Variants in FAM162A observed in about 807,000 individuals in gnomAD.
The protein encoded by FAM162A is protein FAM162A.
In FAM162A, 23 loss-of-function variants were observed where a neutral mutation model predicts 21.8. The observed-to-expected ratio is 1.05, with a 90% CI of 0.76 to 1.49. The LOEUF is 1.49. Among genes scored for constraint, FAM162A ranks in the 40% most tolerant of loss-of-function variants. FAM162A has a pLI of 0.00. For synonymous variants in FAM162A, 53 were observed against 61.3 expected, an observed-to-expected ratio of 0.86 and a Z score of 0.64; for missense variants, 165 against 186.4, an observed-to-expected ratio of 0.89 and a Z score of 0.67.
intron 1 of FAM162A, among the ~76,000 whole-genome samples, chr3:122,386,997 C>T (rs535936189): frequency 2.0e-5 from 3 of 152,168 alleles, no homozygotes; most frequent in Admixed American, 6.5e-5. Flanking sequence ...GCCATTTACC[C>T]ACACTACGCT....
chr3:122,384,640 C>T (rs2075565741), intron 1 of FAM162A, among the ~76,000 whole-genome samples: 1 of 152,038 alleles, frequency 6.6e-6, no homozygotes, highest in South Asian at 2.1e-4. Context: ...TTTACCCATG[C>T]ATTCAGCTTT....
intron 1 of FAM162A, among the ~76,000 whole-genome samples, chr3:122,390,250 G>T (rs979029319): frequency 6.6e-6 from 1 of 152,136 alleles, no homozygotes; most frequent in Non-Finnish European, 1.5e-5. Flanking sequence ...TCAGCAGAGG[G>T]ATTACTACTT....
intron 1 of FAM162A, among the ~76,000 whole-genome samples, chr3:122,392,780 A>T (rs555815993): frequency 1.8e-4 from 27 of 152,374 alleles, no homozygotes; most frequent in African/African-American, 6.5e-4. Flanking sequence ...AGAGTTTCAT[A>T]GACTTTTCCC....
intron 1 of FAM162A, 115 bp downstream of exon 1, chr3:122,384,414 C>T (rs922316956): frequency 3.1e-6 from 4 of 1,279,468 alleles, no homozygotes; most frequent in Admixed American, 4.0e-5. Context: ...CGCACTTTCT[C>T]GGTTCCTCAG....
chr3:122,408,377 A>G (rs1470776327), intron 4 of FAM162A, among the ~76,000 whole-genome samples: 1 of 152,234 alleles, frequency 6.6e-6, no homozygotes, highest in African/African-American at 2.4e-5. Flanking sequence ...TATATATCAC[A>G]GCTTCCATGT....
chr3:122,388,529 T>C (rs1418789334), intron 1 of FAM162A, among the ~76,000 whole-genome samples: 1 of 152,066 alleles, frequency 6.6e-6, no homozygotes, highest in Non-Finnish European at 1.5e-5. Flanking sequence ...TAGCACAGAA[T>C]AGAAGCAAGG....
At chr3:122,387,306 CTG>C (rs1390083125) in intron 1 of FAM162A, among the ~76,000 whole-genome samples, 3 of 152,346 alleles carry the variant, frequency 2.0e-5, no homozygotes, top group African/African-American at 7.2e-5. Flanking sequence ...CCCCTAAACT[CTG>C]TTGACTGGTC....
chr3:122,402,857 A>T lies in FAM162A; in HGVS notation c.132A>T (p.Pro44=). The change falls in exon 2 of 5, where the codon CCA becomes CCT. Residue 44 remains proline (P), a synonymous_variant. Coordinates refer to ENST00000477892, the MANE Select transcript of FAM162A (RefSeq NM_014367.4). ...LKRINGFCTK[P]QESPGAPSRT... ...GAATAAATGGATTTTGCACAAAACCACAGGAAAGTCCCGGAGCTCCATCCC... is the reference window on the plus strand; with the variant it reads ...GAATAAATGGATTTTGCACAAAACCTCAGGAAAGTCCCGGAGCTCCATCCC... 2 of 1,606,322 alleles carry T rather than the reference A, an allele frequency of 1.2e-6. No homozygotes were observed. The highest frequency in any genetic ancestry group is 1.1e-5 in the South Asian group (1 of 88,382).
At chr3:122,408,702 A>G (rs2075688163) in intron 4 of FAM162A, among the ~76,000 whole-genome samples, 1 of 152,174 alleles carries the variant, frequency 6.6e-6, no homozygotes, top group Non-Finnish European at 1.5e-5. Flanking sequence ...TGTGGACAGG[A>G]CTGTGAGCTT....
intron 1 of FAM162A, 133 bp downstream of exon 1, chr3:122,384,432 CCTACTTAG>C: frequency 9.0e-7 from 1 of 1,114,644 alleles, no homozygotes; most frequent in Non-Finnish European, 1.3e-6. Flanking sequence ...CAGAATCCTA[CCTACTTAG>C]TAGCCATGTG....
At chr3:122,396,807 G>A (rs891086001) in intron 1 of FAM162A, among the ~76,000 whole-genome samples, 1 of 152,188 alleles carries the variant, frequency 6.6e-6, no homozygotes, top group Non-Finnish European at 1.5e-5. Flanking sequence ...GGAATCAAGT[G>A]CTGACAAATG....
chr3:122,409,695 CT>C, intron 4 of FAM162A, 43 bp from the exon 5 acceptor site: 1 of 1,568,514 alleles, frequency 6.4e-7, no homozygotes, highest in Non-Finnish European at 8.8e-7. Context: ...ACACCCTCCC[CT>C]GACCAGCATA....
At chr3:122,401,831 T>A (rs948152391) in intron 1 of FAM162A, among the ~76,000 whole-genome samples, 12 of 152,182 alleles carry the variant, frequency 7.9e-5, no homozygotes, top group African/African-American at 2.9e-4. Flanking sequence ...TTTTTCTTGA[T>A]AATTTGTTTA....
intron 1 of FAM162A, among the ~76,000 whole-genome samples, chr3:122,401,075 GT>G (rs1163695732): frequency 6.6e-6 from 1 of 152,126 alleles, no homozygotes; most frequent in Non-Finnish European, 1.5e-5. Flanking sequence ...CCTTTTGAAA[GT>G]TGAGTAATAA....
intron 1 of FAM162A, among the ~76,000 whole-genome samples, chr3:122,398,319 A>G (rs1373647067): frequency 1.3e-5 from 2 of 152,184 alleles, no homozygotes; most frequent in Non-Finnish European, 2.9e-5. Context: ...AAGATAGATG[A>G]AAGGTTGATG....
At chr3:122,387,009 G>A (rs1181877154) in intron 1 of FAM162A, among the ~76,000 whole-genome samples, 2 of 152,074 alleles carry the variant, frequency 1.3e-5, no homozygotes, top group African/African-American at 4.8e-5. Flanking sequence ...CACTACGCTG[G>A]GTTTCATAAG....
Position 122,396,311 on chromosome 3 carries a change from A to G in FAM162A, c.35-6449A>G, listed in dbSNP as rs2075627286. ...TCTTACAACTCAAAAATGAAAAGAC[A>G]TAACCCTACTTAAAAAAAAATAGGC... On this transcript the variant is annotated intron_variant, in intron 1 of 4. Transcript: ENST00000477892. Among the ~76,000 whole-genome samples, 5 of 152,312 alleles carry G rather than the reference A, an allele frequency of 3.3e-5. No individual in the cohort carries two copies. In the South Asian group the frequency reaches 1.0e-3, roughly 32 times the overall value.
intron 1 of FAM162A, among the ~76,000 whole-genome samples, chr3:122,397,979 A>C (rs1446827131): frequency 6.6e-6 from 1 of 152,230 alleles, no homozygotes; most frequent in African/African-American, 2.4e-5. Flanking sequence ...TGTCAGAAAG[A>C]AAGCTATCAA....
intron 3 of FAM162A, 128 bp from the exon 4 acceptor site, chr3:122,407,153 C>A: frequency 1.4e-6 from 1 of 695,114 alleles, no homozygotes; most frequent in Non-Finnish European, 2.3e-6. Context: ...TTAAAGAGAT[C>A]TCTAGGTCTC....
Sources: allele counts gnomAD v4.1 joint callset (sites outside exome capture counted in the v4.1 genomes callset), GRCh38; gene constraint gnomAD v4.1.1; transcripts MANE v1.5; gene names NCBI Gene and HGNC (gene_info 2026-07-23, HGNC 2026-07-21).